GYPC: variants seen among roughly 807,000 people sequenced by gnomAD.
GYPC encodes the protein glycophorin C (Gerbich blood group).
In GYPC, 14 loss-of-function variants were observed where a neutral mutation model predicts 12.6. That is an observed-to-expected ratio of 1.11 (90% CI 0.74 to 1.74). The LOEUF (loss-of-function observed/expected upper bound fraction) is 1.74. GYPC is among the 40% of genes most tolerant of loss of function. GYPC has a pLI of 0.00. For missense variants in GYPC, 225 were observed against 172.1 expected, an observed-to-expected ratio of 1.31 and a Z score of -1.72; for synonymous variants, 78 against 62.1, an observed-to-expected ratio of 1.26 and a Z score of -1.20.
At chr2:126,690,014 C>T (rs183030209) in intron 1 of GYPC, among the ~76,000 whole-genome samples, 1 of 152,274 alleles carries the variant, frequency 6.6e-6, no homozygotes. Flanking sequence ...CTTAAATGGG[C>T]CTGGAGTGAC....
intron 3 of GYPC, 124 bp from the exon 4 acceptor site, chr2:126,695,822 A>G (rs1265186137): frequency 1.7e-5 from 13 of 777,380 alleles, no homozygotes; most frequent in Non-Finnish European, 2.5e-5. Context: ...TCATAAATCA[A>G]GGAGCATCTC....
At chr2:126,669,342 G>A (rs28369977) in intron 1 of GYPC, among the ~76,000 whole-genome samples, 2,160 of 152,276 alleles carry the variant, frequency 0.014, 28 homozygotes, top group Non-Finnish European at 0.025. Flanking sequence ...CCTCCTCAGG[G>A]TACAGGACAT....
rs370605379 is a variant in GYPC at position 126,693,811 on chromosome 2, T to C, written c.107-53T>C. ...GATGCAGCTTGGGCCAAGGTGCTGC[T>C]AGGCATGGAGAATCTTCCTCTCTGA... On this transcript the variant is annotated intron_variant, in intron 2 of 3. Transcript: ENST00000259254. 4.5e-5 allele frequency: 55 copies of C among 1,210,348 alleles called. No homozygotes were observed. The African/African-American group carries it at 7.7e-4, about 17-fold the overall frequency. The allele number at this position is 1,210,348 out of a possible 1,614,324, so 75.0% of individuals were successfully genotyped here. A position where few individuals can be genotyped will look rare whatever the true frequency, so the allele number is the denominator to read the frequency against.
At chr2:126,670,331 T>C (rs1303287996) in intron 1 of GYPC, among the ~76,000 whole-genome samples, 2 of 152,296 alleles carry the variant, frequency 1.3e-5, no homozygotes, top group African/African-American at 4.8e-5. Flanking sequence ...AGTCTCACTG[T>C]GCAGCGCCTC....
chr2:126,667,394 C>CT (rs951519605), intron 1 of GYPC, among the ~76,000 whole-genome samples: 55 of 147,018 alleles, frequency 3.7e-4, no homozygotes, highest in Middle Eastern at 3.4e-3. Context: ...ATCTGGATAT[C>CT]TTTTTTTTTT....
intron 1 of GYPC, among the ~76,000 whole-genome samples, chr2:126,666,091 G>A (rs1003835062): frequency 3.9e-5 from 6 of 152,248 alleles, no homozygotes; most frequent in South Asian, 2.1e-4. Context: ...TCCCTCTGCC[G>A]TCCTCCGCAG....
At position 126,693,914 on chromosome 2, in the gene GYPC, AC is replaced by A. The variant is rs1213970748; in HGVS notation, c.162del (p.Thr55ProfsTer2). 6.2e-7 allele frequency: 1 copy of A among 1,612,222 alleles called. No homozygotes were observed. Among genetic ancestry groups the A allele is most frequent in the Middle Eastern group, 1.7e-4 (1 of 6,046 alleles). On this transcript the variant is annotated frameshift_variant, in exon 3 of 4. Transcript: ENST00000259254. LOFTEE classifies it low-confidence loss of function (END_TRUNC). ...GWPDGRMETS[T>X]PTIMDIVVIA... ...GCCGGATGGCAGAATGGAGACCTCC[AC>A]CCCCACCATAATGGACATTGTCGTC...
At chr2:126,678,216 C>T (rs1421315547) in intron 1 of GYPC, 2 of 151,514 alleles carry the variant, frequency 1.3e-5, no homozygotes, top group African/African-American at 4.9e-5. Flanking sequence ...ACCAAGACTC[C>T]ATCTCAAAAA....
intron 1 of GYPC, among the ~76,000 whole-genome samples, chr2:126,674,009 T>G (rs1208923276): frequency 6.6e-6 from 1 of 152,080 alleles, no homozygotes; most frequent in East Asian, 1.9e-4. Flanking sequence ...GAATAGAAAG[T>G]AAGACACCCG....
chr2:126,663,225 A>AC (rs1682583713), intron 1 of GYPC, among the ~76,000 whole-genome samples: 2 of 151,750 alleles, frequency 1.3e-5, no homozygotes, highest in Non-Finnish European at 2.9e-5. Flanking sequence ...TTTAGTAGAG[A>AC]TGTGGTTTCA....
chr2:126,694,580 T>C (rs1353263549), intron 3 of GYPC, among the ~76,000 whole-genome samples: 1 of 152,130 alleles, frequency 6.6e-6, no homozygotes, highest in African/African-American at 2.4e-5. Flanking sequence ...AAGACACCTG[T>C]TGGACTCTGT....
chr2:126,692,318 G>A (rs890972437), intron 2 of GYPC, among the ~76,000 whole-genome samples: 5 of 152,034 alleles, frequency 3.3e-5, no homozygotes, highest in African/African-American at 1.2e-4. Context: ...CCCTAGCTTG[G>A]CCCATCTGTG....
chr2:126,656,383 A>G, intron 1 of GYPC, 71 bp downstream of exon 1: 1 of 1,356,822 alleles, frequency 7.4e-7, no homozygotes, highest in Non-Finnish European at 1.0e-6. Context: ...CCAGGGGCCG[A>G]GCCACGGCCA....
At chr2:126,662,069 C>T (rs555724175) in intron 1 of GYPC, among the ~76,000 whole-genome samples, 1 of 152,368 alleles carries the variant, frequency 6.6e-6, no homozygotes, top group South Asian at 2.1e-4. Context: ...GGCACAGGGT[C>T]TCCAGCTGAC....
chr2:126,656,334 G>A (rs541280092), intron 1 of GYPC, 22 bp downstream of exon 1: 34 of 1,579,144 alleles, frequency 2.2e-5, no homozygotes, highest in Non-Finnish European at 2.8e-5. Flanking sequence ...CCGTGGGGAA[G>A]GGTCCTGGGG....
intron 1 of GYPC, among the ~76,000 whole-genome samples, chr2:126,671,625 TTCTGCTGACTGCCCTAGCACACACG>T (rs1682858980): frequency 6.6e-6 from 1 of 152,222 alleles, no homozygotes; most frequent in South Asian, 2.1e-4. Context: ...GAGTCCACAC[TTCTGCTGACTGCCCTAGCACACACG>T]TGGCCTGGGA....
chr2:126,667,752 A>C (rs1682726217), intron 1 of GYPC, among the ~76,000 whole-genome samples: 1 of 151,958 alleles, frequency 6.6e-6, no homozygotes, highest in South Asian at 2.1e-4. Context: ...CTTGTGTAGC[A>C]GGTGACCTGA....
chr2:126,673,209 G>A (rs942698798), intron 1 of GYPC, among the ~76,000 whole-genome samples: 4 of 152,074 alleles, frequency 2.6e-5, no homozygotes, highest in African/African-American at 7.2e-5. Context: ...GTAATATGAT[G>A]CCAGGACAAG....
intron 1 of GYPC, chr2:126,686,051 A>G (rs1866658): frequency 0.57 from 564,441 of 984,612 alleles, 166,631 homozygotes; most frequent in Middle Eastern, 0.69. Context: ...AACAACTCCT[A>G]TGGCAGAGGG....
Sources: allele counts gnomAD v4.1 joint callset (sites outside exome capture counted in the v4.1 genomes callset), GRCh38; gene constraint gnomAD v4.1.1; transcripts MANE v1.5; gene names NCBI Gene and HGNC (gene_info 2026-07-23, HGNC 2026-07-21).